PPIL4: variants seen among roughly 807,000 people sequenced by gnomAD.
PPIL4 encodes peptidyl-prolyl cis-trans isomerase-like 4.
In PPIL4, 50 loss-of-function variants were observed where a neutral mutation model predicts 69.1. The observed-to-expected ratio is 0.72, with a 90% confidence interval of 0.58 to 0.92. The LOEUF (loss-of-function observed/expected upper bound fraction) is 0.92. Among genes scored for constraint, PPIL4 ranks in the 40% least tolerant of loss-of-function variants. The pLI is 0.00. For synonymous variants in PPIL4, 193 were observed against 191.6 expected (o/e 1.01, Z -0.06); for missense variants, 480 against 587.9 (o/e 0.82, Z 1.90).
At position 149,533,567 on chromosome 6, in the gene PPIL4, C is replaced by T. The variant is rs761940773; in HGVS notation, c.569G>A (p.Arg190Gln). 6.9e-6 allele frequency: 11 copies of T among 1,592,006 alleles called. No individual in the cohort carries two copies. Among genetic ancestry groups the T allele is most frequent in the South Asian group, 3.3e-5 (3 of 90,414 alleles). Residue 190 changes from arginine to glutamine, a missense_variant, in exon 7 of 13, where the codon CGA (arginine) becomes CAA (glutamine). By Grantham distance (43) the Arg-to-Gln change is conservative (BLOSUM62 1). Coordinates refer to ENST00000253329, the MANE Select transcript of PPIL4 (RefSeq NM_139126.4). ...ATCAATTTCTTCATCTGCTCCTATTCGACCACTCTGTTAAGACAGAAGTTA... is the reference window on the plus strand; with the variant it reads ...ATCAATTTCTTCATCTGCTCCTATTTGACCACTCTGTTAAGACAGAAGTTA... ...EPTREQLDSG[R>Q]IGADEEIDDF...
At chr6:149,537,661 G>A (rs1777298321) in intron 4 of PPIL4, among the ~76,000 whole-genome samples, 1 of 150,942 alleles carries the variant, frequency 6.6e-6, no homozygotes, top group African/African-American at 2.4e-5. Flanking sequence ...AGCAGAGATT[G>A]CGCCACTGCA....
At chr6:149,520,434 A>G (rs1254324231) in intron 10 of PPIL4, among the ~76,000 whole-genome samples, 1 of 152,226 alleles carries the variant, frequency 6.6e-6, no homozygotes, top group Non-Finnish European at 1.5e-5. Flanking sequence ...AAAAGACTCA[A>G]AACACCATAA....
chr6:149,519,827 A>C (rs1777003243), intron 10 of PPIL4, among the ~76,000 whole-genome samples: 1 of 152,214 alleles, frequency 6.6e-6, no homozygotes, highest in Non-Finnish European at 1.5e-5. Flanking sequence ...GTGTTATAGA[A>C]AAAGAAAGTA....
chr6:149,529,464 A>T (rs369140813), intron 7 of PPIL4, among the ~76,000 whole-genome samples: 59 of 151,236 alleles, frequency 3.9e-4, no homozygotes, highest in Middle Eastern at 6.8e-3. Flanking sequence ...AAAAAAAATT[A>T]AAAAAAATTA....
intron 8 of PPIL4, 131 bp downstream of exon 8, chr6:149,526,521 G>A: frequency 1.3e-6 from 1 of 742,040 alleles, no homozygotes. Flanking sequence ...ACTGTCCAAA[G>A]ACTCACCTGT....
chr6:149,538,169 G>A (rs1777307487), intron 4 of PPIL4, among the ~76,000 whole-genome samples: 1 of 152,084 alleles, frequency 6.6e-6, no homozygotes, highest in African/African-American at 2.4e-5. Flanking sequence ...AGAAGGCTGA[G>A]GCAAGAGAAC....
At chr6:149,532,905 C>T (rs1245295674) in intron 7 of PPIL4, among the ~76,000 whole-genome samples, 1 of 152,078 alleles carries the variant, frequency 6.6e-6, no homozygotes, top group African/African-American at 2.4e-5. Flanking sequence ...CCATTCATTC[C>T]AATATTTATT....
chr6:149,528,491 A>G (rs766452998), intron 7 of PPIL4, among the ~76,000 whole-genome samples: 3 of 152,262 alleles, frequency 2.0e-5, no homozygotes, highest in Admixed American at 1.3e-4. Flanking sequence ...TTATCACTAT[A>G]TTACAAACAA....
intron 1 of PPIL4, among the ~76,000 whole-genome samples, chr6:149,541,995 T>C (rs1056284229): frequency 5.9e-5 from 9 of 151,672 alleles, no homozygotes; most frequent in African/African-American, 1.9e-4. Flanking sequence ...GTCTGGGCAA[T>C]AGAGCAAGAC....
intron 6 of PPIL4, 82 bp from the exon 7 acceptor site, chr6:149,533,656 T>G (rs992135156): frequency 1.3e-6 from 1 of 776,790 alleles, no homozygotes; most frequent in Non-Finnish European, 2.1e-6. Flanking sequence ...TTATTCTTAG[T>G]TATATCAAAC....
chr6:149,537,537 C>T (rs1383507995), intron 4 of PPIL4, among the ~76,000 whole-genome samples: 1 of 151,858 alleles, frequency 6.6e-6, no homozygotes, highest in Non-Finnish European at 1.5e-5. Context: ...GAAACCCCGT[C>T]TCTACTAAAA....
At chr6:149,509,084 A>G (rs962850279) in intron 12 of PPIL4, among the ~76,000 whole-genome samples, 2 of 152,216 alleles carry the variant, frequency 1.3e-5, no homozygotes, top group African/African-American at 2.4e-5. Flanking sequence ...ATATCATTAA[A>G]TCAAAGTACA....
At chr6:149,545,091 G>C (rs939829161) in intron 1 of PPIL4, among the ~76,000 whole-genome samples, 12 of 152,118 alleles carry the variant, frequency 7.9e-5, no homozygotes, top group African/African-American at 2.7e-4. Context: ...TGACCTAGGC[G>C]TATCTGACCA....
intron 12 of PPIL4, among the ~76,000 whole-genome samples, chr6:149,508,487 T>C (rs1487798742): frequency 6.6e-6 from 1 of 152,104 alleles, no homozygotes; most frequent in Non-Finnish European, 1.5e-5. Context: ...ACCTAGCAAA[T>C]GACTTGAAAT....
At chr6:149,533,246 T>C (rs1382047535) in intron 7 of PPIL4, among the ~76,000 whole-genome samples, 1 of 152,210 alleles carries the variant, frequency 6.6e-6, no homozygotes, top group African/African-American at 2.4e-5. Flanking sequence ...CTTCCCACTG[T>C]TTAAAAAGGC....
At chr6:149,536,386 G>A (rs1045976759) in intron 4 of PPIL4, among the ~76,000 whole-genome samples, 1 of 152,234 alleles carries the variant, frequency 6.6e-6, no homozygotes, top group Non-Finnish European at 1.5e-5. Context: ...AGAAAGGCAC[G>A]TTGAAAGCCA....
intron 11 of PPIL4, among the ~76,000 whole-genome samples, chr6:149,515,770 A>T (rs1776934638): frequency 6.6e-6 from 1 of 152,172 alleles, no homozygotes; most frequent in African/African-American, 2.4e-5. Flanking sequence ...GAAGACATCA[A>T]ATCCCTCTCC....
At chr6:149,545,043 C>G (rs1428071959) in intron 1 of PPIL4, among the ~76,000 whole-genome samples, 1 of 152,132 alleles carries the variant, frequency 6.6e-6, no homozygotes, top group East Asian at 1.9e-4. Flanking sequence ...TCTTCAAGGA[C>G]TCTGATCATC....
At chr6:149,512,615 G>T (rs1472724980) in intron 11 of PPIL4, among the ~76,000 whole-genome samples, 1 of 152,014 alleles carries the variant, frequency 6.6e-6, no homozygotes, top group Non-Finnish European at 1.5e-5. Context: ...TCTTTAACTA[G>T]AAAAAATTAT....
Sources: gnomAD v4.1 joint callset for allele counts (sites outside exome capture counted in the v4.1 genomes callset) on GRCh38, gnomAD v4.1.1 for gene constraint, MANE v1.5 for transcripts, NCBI Gene and HGNC (gene_info 2026-07-23, HGNC 2026-07-21) for gene names.